Variants in RBM19 observed in about 807,000 individuals in gnomAD.
RBM19 encodes probable RNA-binding protein 19.
A neutral mutation model predicts 116.8 loss-of-function variants in RBM19; 94 were observed. That is an observed-to-expected ratio of 0.80 (90% confidence interval 0.68 to 0.95). RBM19 has a LOEUF of 0.95. RBM19 is among the 40% of genes least tolerant of loss of function. The pLI, the probability that RBM19 is intolerant of heterozygous loss-of-function variation, is 0.00. For missense variants in RBM19, 1,161 were observed against 1,220.7 expected (o/e 0.95, Z 0.73); for synonymous variants, 475 against 494.1 (o/e 0.96, Z 0.51).
intron 22 of RBM19, among the ~76,000 whole-genome samples, chr12:113,847,851 C>A (rs753206696): frequency 1.3e-5 from 2 of 152,204 alleles, no homozygotes; most frequent in African/African-American, 2.4e-5. Context: ...TAAAAATTCC[C>A]TCTTTTGGCT....
At chr12:113,819,167 CA>C (rs1216113193), downstream of RBM19, among the ~76,000 whole-genome samples, 1 of 152,220 alleles carries the variant, frequency 6.6e-6, no homozygotes, top group Non-Finnish European at 1.5e-5. Flanking sequence ...GATGCGGTTC[CA>C]GCCAGCCCTC....
chr12:113,894,789 G>A (rs909457553), intron 21 of RBM19, among the ~76,000 whole-genome samples: 1 of 152,246 alleles, frequency 6.6e-6, no homozygotes, highest in Non-Finnish European at 1.5e-5. Context: ...CTATCTGAGA[G>A]CAGAGTCCAA....
intron 10 of RBM19, 23 bp downstream of exon 10, chr12:113,948,810 C>A: frequency 1.2e-6 from 2 of 1,612,680 alleles, no homozygotes; most frequent in South Asian, 1.1e-5. Context: ...GGGCTATCCA[C>A]GGCCCGGAGG....
At chr12:113,922,135 C>A (rs1254647497) in intron 18 of RBM19, among the ~76,000 whole-genome samples, 1 of 152,184 alleles carries the variant, frequency 6.6e-6, no homozygotes. Flanking sequence ...CTCAGCTGAG[C>A]TCTGGTCACA....
chr12:113,940,624 G>A (rs1289174098), intron 14 of RBM19, among the ~76,000 whole-genome samples: 2 of 152,220 alleles, frequency 1.3e-5, no homozygotes, highest in Admixed American at 6.5e-5. Context: ...ATGAGACTGA[G>A]GTATGAGTGC....
Position 113,882,623 on chromosome 12 carries a change from G to C in RBM19, c.2559-23727C>G, listed in dbSNP as rs183583318. On this transcript the variant is annotated intron_variant, in intron 21 of 23. Coordinates refer to ENST00000261741, the MANE Select transcript of RBM19 (RefSeq NM_016196.4). ...ATTCTAAATGAGAGCTGGAGGCACG[G>C]GGGGAGGGAGAAGACTGAGAATTAT... 3.6e-3 allele frequency among the ~76,000 whole-genome samples: 547 copies of C among 152,390 alleles called. 6 individuals are homozygous for C. Among genetic ancestry groups the C allele is most frequent in the Non-Finnish European group, 4.5e-3 (306 of 68,042 alleles).
chr12:113,881,143 T>C (rs913805263), intron 21 of RBM19, among the ~76,000 whole-genome samples: 2 of 152,144 alleles, frequency 1.3e-5, no homozygotes, highest in Non-Finnish European at 2.9e-5. Context: ...GAACACGCAC[T>C]GTCTTGGATT....
At chr12:113,911,405 CAAAA>C (rs1177141408) in intron 21 of RBM19, among the ~76,000 whole-genome samples, 1 of 152,066 alleles carries the variant, frequency 6.6e-6, no homozygotes, top group Non-Finnish European at 1.5e-5. Context: ...AACAAACAAA[CAAAA>C]AAACCAGGAA....
At chr12:113,928,154 T>C (rs139315337) in intron 16 of RBM19, among the ~76,000 whole-genome samples, 14 of 152,210 alleles carry the variant, frequency 9.2e-5, no homozygotes, top group African/African-American at 2.4e-4. Context: ...CTGGCCAATG[T>C]GGTGAAACCT....
intron 5 of RBM19, 147 bp downstream of exon 5, chr12:113,959,065 G>T: frequency 1.4e-6 from 1 of 733,676 alleles, no homozygotes; most frequent in Non-Finnish European, 2.2e-6. Context: ...GAAGACAGAT[G>T]CACCTGCAGA....
chr12:113,877,908 G>GA (rs1274367191), intron 21 of RBM19, among the ~76,000 whole-genome samples: 9 of 152,206 alleles, frequency 5.9e-5, no homozygotes, highest in Non-Finnish European at 7.4e-5. Context: ...AGGAAAAAAG[G>GA]AAAAAAATGA....
chr12:113,911,509 C>T (rs139834894), intron 21 of RBM19, among the ~76,000 whole-genome samples: 9 of 152,170 alleles, frequency 5.9e-5, no homozygotes, highest in African/African-American at 2.2e-4. Flanking sequence ...GGGTTCAAAT[C>T]CTGGCTCCAC....
At chr12:113,857,378 G>T (rs1273728277) in intron 22 of RBM19, among the ~76,000 whole-genome samples, 2 of 152,246 alleles carry the variant, frequency 1.3e-5, no homozygotes, top group Non-Finnish European at 2.9e-5. Context: ...ACCCTGGGAG[G>T]GGGGCGCAGC....
At chr12:113,860,653 C>A (rs763290516) in intron 21 of RBM19, among the ~76,000 whole-genome samples, 1 of 152,208 alleles carries the variant, frequency 6.6e-6, no homozygotes, top group Non-Finnish European at 1.5e-5. Flanking sequence ...CGTGCCTTGG[C>A]CTCACCTAAC....
chr12:113,882,011 G>A (rs557207038), intron 21 of RBM19, among the ~76,000 whole-genome samples: 9 of 152,328 alleles, frequency 5.9e-5, no homozygotes, highest in South Asian at 4.1e-4. Context: ...CTCTTATAAC[G>A]GAGCTTCTGT....
chr12:113,837,529 C>T (rs923159991), intron 23 of RBM19, among the ~76,000 whole-genome samples: 5 of 152,196 alleles, frequency 3.3e-5, no homozygotes, highest in East Asian at 3.8e-4. Flanking sequence ...CCCTTGGAGC[C>T]CCACCGTTTC....
intron 21 of RBM19, among the ~76,000 whole-genome samples, chr12:113,874,044 A>C (rs1879486970): frequency 6.6e-6 from 1 of 152,228 alleles, no homozygotes; most frequent in Non-Finnish European, 1.5e-5. Flanking sequence ...GTGCCACCTC[A>C]AAGGTGCTCC....
At chr12:113,928,414 G>GCACACA (rs1363722576) in intron 16 of RBM19, among the ~76,000 whole-genome samples, 8 of 44,070 alleles carry the variant, frequency 1.8e-4, no homozygotes, top group African/African-American at 4.8e-4. Flanking sequence ...ACATACATGT[G>GCACACA]CATACACACA....
intron 18 of RBM19, among the ~76,000 whole-genome samples, chr12:113,924,391 G>A (rs569154391): frequency 1.5e-3 from 228 of 152,326 alleles, no homozygotes; most frequent in African/African-American, 5.1e-3. Flanking sequence ...ATACCATCCA[G>A]GGTCCTCACT....
Sources: gnomAD v4.1 joint callset for allele counts (sites outside exome capture counted in the v4.1 genomes callset) on GRCh38, gnomAD v4.1.1 for gene constraint, MANE v1.5 for transcripts, NCBI Gene and HGNC (gene_info 2026-07-23, HGNC 2026-07-21) for gene names.